NLGN1: variants seen among roughly 807,000 people sequenced by gnomAD.
NLGN1 encodes the protein neuroligin-1.
A neutral mutation model predicts 65.5 loss-of-function variants in NLGN1; 12 were observed. The observed-to-expected ratio is 0.18, with a 90% CI of 0.12 to 0.30. The LOEUF is 0.30. NLGN1 is among the 10% of genes least tolerant of loss of function. NLGN1 has a pLI of 1.00. For synonymous variants in NLGN1, 350 were observed against 359.5 expected (o/e 0.97, Z 0.30); for missense variants, 750 against 1,007.1 (o/e 0.74, Z 3.46).
chr3:173,753,423 C>T (rs562588595), intron 3 of NLGN1, among the ~76,000 whole-genome samples: 38 of 152,242 alleles, frequency 2.5e-4, no homozygotes, highest in African/African-American at 9.1e-4. Context: ...CACTTGAAAT[C>T]ATCCATGATT....
At chr3:173,968,738 G>A (rs1344875534) in intron 4 of NLGN1, among the ~76,000 whole-genome samples, 2 of 111,120 alleles carry the variant, frequency 1.8e-5, no homozygotes, top group Non-Finnish European at 3.3e-5. Context: ...TTCCTCTGTC[G>A]CCCAGGCTGG....
intron 3 of NLGN1, among the ~76,000 whole-genome samples, chr3:173,658,255 T>C (rs1233960806): frequency 6.6e-6 from 1 of 151,978 alleles, no homozygotes; most frequent in Non-Finnish European, 1.5e-5. Flanking sequence ...CATAGGTCTG[T>C]TGCTACCAGG....
intron 4 of NLGN1, among the ~76,000 whole-genome samples, chr3:174,158,944 A>G (rs182319115): frequency 6.6e-6 from 1 of 151,670 alleles, no homozygotes; most frequent in East Asian, 1.9e-4. Context: ...AGTGCACTCA[A>G]CTTTTTTTCA....
intron 1 of NLGN1, among the ~76,000 whole-genome samples, chr3:173,426,623 C>CATTTATTT (rs3030741): frequency 8.6e-5 from 13 of 151,528 alleles, no homozygotes; most frequent in Admixed American, 2.0e-4. Context: ...TGCTATAGCA[C>CATTTATTT]ATTTATTTAT....
intron 3 of NLGN1, among the ~76,000 whole-genome samples, chr3:173,781,659 C>T (rs1781178168): frequency 6.6e-6 from 1 of 152,154 alleles, no homozygotes; most frequent in African/African-American, 2.4e-5. Flanking sequence ...AGTGATATCA[C>T]TTCAGACAGG....
chr3:173,677,696 A>C (rs1005581129), intron 3 of NLGN1, among the ~76,000 whole-genome samples: 3 of 152,112 alleles, frequency 2.0e-5, no homozygotes, highest in African/African-American at 7.2e-5. Context: ...ATACATATTT[A>C]GCTCCATGGG....
At chr3:174,105,141 CAAA>C (rs1713429590) in intron 4 of NLGN1, among the ~76,000 whole-genome samples, 1 of 151,638 alleles carries the variant, frequency 6.6e-6, no homozygotes, top group Non-Finnish European at 1.5e-5. Context: ...AAAGGGGAGA[CAAA>C]GAAGTAGAAT....
chr3:173,452,186 C>T (rs911693495), intron 2 of NLGN1, among the ~76,000 whole-genome samples: 5 of 151,022 alleles, frequency 3.3e-5, no homozygotes, highest in African/African-American at 4.9e-5. Flanking sequence ...TGTTCCTATT[C>T]GGCCATCTTG....
chr3:173,963,271 A>T lies in NLGN1; in HGVS notation c.646+155439A>T, dbSNP rs1714038232. Among the ~76,000 whole-genome samples the T allele has an allele frequency of 2.0e-5, 3 of 152,202 alleles. No individual in the cohort carries two copies. The South Asian group carries it at 6.2e-4, about 32-fold the overall frequency. On this transcript the variant is annotated intron_variant, in intron 4 of 6. Coordinates refer to ENST00000457714, the Ensembl canonical transcript of NLGN1. The stretch of plus-strand genomic sequence containing the variant: ...TGGATGGAAGGTGCAATCCAAAAAG[A>T]GGATTCATTAAAGAGCTTCTAAAAT...
At chr3:173,915,899 C>A (rs981220051) in intron 4 of NLGN1, among the ~76,000 whole-genome samples, 1 of 151,432 alleles carries the variant, frequency 6.6e-6, no homozygotes, top group African/African-American at 2.4e-5. Flanking sequence ...TTATTATTTT[C>A]TAATTTTTAT....
chr3:174,247,772 C>T (rs1160319459), intron 4 of NLGN1, among the ~76,000 whole-genome samples: 1 of 152,162 alleles, frequency 6.6e-6, no homozygotes. Context: ...GGAAACCACC[C>T]TGGCTGTGAA....
chr3:173,472,029 A>C (rs2148930151), intron 2 of NLGN1, among the ~76,000 whole-genome samples: 1 of 152,304 alleles, frequency 6.6e-6, no homozygotes, highest in South Asian at 2.1e-4. Context: ...ACTCACCAGA[A>C]GTAAAATATT....
At chr3:173,499,513 C>G (rs923716258) in intron 2 of NLGN1, among the ~76,000 whole-genome samples, 1 of 151,732 alleles carries the variant, frequency 6.6e-6, no homozygotes, top group Non-Finnish European at 1.5e-5. Flanking sequence ...TGTTCTTTTG[C>G]GTTAGGATTG....
chr3:173,879,223 C>T (rs1732761030), intron 4 of NLGN1, among the ~76,000 whole-genome samples: 1 of 150,848 alleles, frequency 6.6e-6, no homozygotes. Flanking sequence ...CAAAGTGACA[C>T]TTTGTCTCAG....
At chr3:173,584,014 C>G (rs1222727385) in intron 2 of NLGN1, among the ~76,000 whole-genome samples, 1 of 151,444 alleles carries the variant, frequency 6.6e-6, no homozygotes, top group Admixed American at 6.6e-5. Context: ...TTGAAATCAC[C>G]GAATTGCCTC....
intron 4 of NLGN1, among the ~76,000 whole-genome samples, chr3:174,229,500 A>G (rs1009638344): frequency 6.6e-6 from 1 of 152,144 alleles, no homozygotes; most frequent in Non-Finnish European, 1.5e-5. Flanking sequence ...GAAATGTTAG[A>G]TTTGTTTTCA....
At chr3:173,987,402 C>A (rs1480118700) in intron 4 of NLGN1, among the ~76,000 whole-genome samples, 4 of 152,112 alleles carry the variant, frequency 2.6e-5, no homozygotes, top group African/African-American at 9.7e-5. Flanking sequence ...AAAATTAGGT[C>A]ACCATTTATG....
At chr3:173,890,319 C>T (rs1373843671) in intron 4 of NLGN1, among the ~76,000 whole-genome samples, 1 of 152,104 alleles carries the variant, frequency 6.6e-6, no homozygotes, top group Non-Finnish European at 1.5e-5. Context: ...TTGTTCAGAA[C>T]CACCCACACA....
intron 3 of NLGN1, among the ~76,000 whole-genome samples, chr3:173,790,321 G>A (rs1024339232): frequency 6.6e-6 from 1 of 151,992 alleles, no homozygotes; most frequent in Non-Finnish European, 1.5e-5. Context: ...ATAATACAGA[G>A]CTGCGTCCAT....
Sources: allele counts gnomAD v4.1 joint callset (sites outside exome capture counted in the v4.1 genomes callset), GRCh38; gene constraint gnomAD v4.1.1; transcripts MANE v1.5; gene names NCBI Gene and HGNC (gene_info 2026-07-23, HGNC 2026-07-21).